The following PIGQ variants were observed in gnomAD, a reference collection of about 807,000 sequenced individuals.
PIGQ encodes phosphatidylinositol glycan anchor biosynthesis class Q, also known as phosphatidylinositol N-acetylglucosaminyltransferase subunit Q.
Under a neutral mutation model 60.3 loss-of-function variants are expected in PIGQ, and 54 were observed. The ratio of observed to expected loss-of-function variants is 0.90; its 90% CI spans 0.72 to 1.12. PIGQ has a LOEUF of 1.12. Ranked by LOEUF, PIGQ falls within the 50% of genes most tolerant of loss-of-function variation. The pLI is 0.00. For synonymous variants in PIGQ, 416 were observed against 363.7 expected (o/e 1.14, Z -1.64); for missense variants, 799 against 793.5 (o/e 1.01, Z -0.08).
In PIGQ at chr16:583,709, C is replaced by T. The variant is rs1245799973; in HGVS notation, c.*674C>T. ...AGCAGCCTCAGTGTCAAGGGCCCGC[C>T]CACTGACCCAGCCGTACCTATTCGT... On this transcript the variant is annotated 3_prime_UTR_variant, in exon 11 of 11. Coordinates refer to ENST00000321878, the MANE Select transcript of PIGQ (RefSeq NM_004204.5). The T allele has an allele frequency of 3.3e-6, 5 of 1,512,474 alleles. No individual in the cohort carries two copies. Among genetic ancestry groups the T allele is most frequent in the Middle Eastern group, 3.4e-4 (2 of 5,890 alleles). 93.7% of individuals were successfully genotyped at this position (1,512,474 alleles called of 1,614,324 possible).
intron 8 of PIGQ, chr16:580,466 C>T (rs2035793420): frequency 3.6e-6 from 2 of 556,640 alleles, no homozygotes; most frequent in Admixed American, 6.1e-5. Context: ...CCTCACTGCC[C>T]TGGAGCACGC....
intron 1 of PIGQ, among the ~76,000 whole-genome samples, chr16:571,819 C>T (rs889504625): frequency 1.3e-5 from 2 of 151,856 alleles, no homozygotes; most frequent in Non-Finnish European, 2.9e-5. Flanking sequence ...CCCCACAGTA[C>T]GTTGAGTTTT....
Position 574,137 on chromosome 16 carries a change from A to T in PIGQ, c.63A>T (p.Gly21=). 1 of 1,611,966 alleles carries T rather than the reference A, an allele frequency of 6.2e-7. No homozygotes were observed. Among genetic ancestry groups the T allele is most frequent in the Non-Finnish European group, 8.5e-7 (1 of 1,179,652 alleles). Reference sequence around the variant, plus strand: ...CGACGGACAGCGGGCTGCTGGTGGGACGGTGGGTGCCGGAGCAGAGCAGCG... The same window carrying T: ...CGACGGACAGCGGGCTGCTGGTGGGTCGGTGGGTGCCGGAGCAGAGCAGCG... ...CVSTDSGLLV[G]RWVPEQSSAV... Residue 21 remains glycine (G), a synonymous_variant, in exon 2 of 11, where the codon GGA becomes GGT. Transcript: ENST00000321878.
rs2035790342 is a variant in PIGQ at position 580,238 on chromosome 16, C to T, written c.1391C>T (p.Ala464Val). The T allele has an allele frequency of 4.3e-6, 7 of 1,612,538 alleles. No individual in the cohort carries two copies. Among genetic ancestry groups the T allele is most frequent in the Non-Finnish European group, 5.9e-6 (7 of 1,179,166 alleles). Residue 464 changes from alanine to valine, a missense_variant, in exon 8 of 11, where the codon GCC becomes GTC. Physicochemically the swap from Ala to Val is moderately conservative, Grantham distance 64. Transcript: ENST00000321878. ...CTGCTCTTCCTCCTGCCTACCACAG[C>T]CCTGTACTACCTGGTGTTCACCCTG... Reference protein sequence around the residue: ...TILLFLLPTTALYYLVFTLLR... With the variant: ...TILLFLLPTTVLYYLVFTLLR...
rs971748633 is a variant in PIGQ at position 583,696 on chromosome 16, G to A, written c.*661G>A. On this transcript the variant is annotated 3_prime_UTR_variant, in exon 11 of 11. Transcript: ENST00000321878. ...CTGTGGGGGCGGGAGCAGCCTCAGT[G>A]TCAAGGGCCCGCCCACTGACCCAGC... 5 of 1,574,290 alleles carry A rather than the reference G, an allele frequency of 3.2e-6. No homozygotes were observed. Among genetic ancestry groups the A allele is most frequent in the East Asian group, 2.2e-5 (1 of 44,680 alleles).
rs371210440 is a variant in PIGQ at position 576,214 on chromosome 16, G to A, written c.902G>A (p.Arg301His). Residue 301 changes from arginine (R) to histidine (H), a missense_variant, in exon 4 of 11, where the codon CGC (arginine) becomes CAC (histidine). By Grantham distance (29) the Arg-to-His change is conservative (BLOSUM62 0). Coordinates refer to ENST00000321878, the MANE Select transcript of PIGQ (RefSeq NM_004204.5). Reference sequence around the variant, plus strand: ...CTGTCCTGGCTCCACGGGAGAAGCCGCATCGGGCATCTGGCCGACGCCCTC... The same window carrying A: ...CTGTCCTGGCTCCACGGGAGAAGCCACATCGGGCATCTGGCCGACGCCCTC... ...MLLSWLHGRS[R>H]IGHLADALVP... The A allele has an allele frequency of 2.1e-4, 329 of 1,550,758 alleles. No individual in the cohort carries two copies. The highest frequency in any genetic ancestry group is 1.6e-3 in the Admixed American group (80 of 51,136).
Position 580,934 on chromosome 16 carries a change from C to A in PIGQ, c.1493C>A (p.Ser498Ter). 6.2e-7 allele frequency: 1 copy of A among 1,610,868 alleles called. No individual in the cohort carries two copies. Among genetic ancestry groups the A allele is most frequent in the South Asian group, 1.1e-5 (1 of 91,056 alleles). The stretch of plus-strand genomic sequence containing the variant: ...CTCATCAACTCCCTGCCGCTGTACT[C>A]ACTGGGTCTTCGGCTCTGCCGGCCC... ...VDLINSLPLYSLGLRLCRPYR... is the reference protein window; with the variant it reads ...VDLINSLPLY Residue 498 changes from serine (S) to a stop codon, truncating the protein, a stop_gained, in exon 9 of 11, where the codon TCA becomes TAA. Coordinates refer to ENST00000321878, the MANE Select transcript of PIGQ (RefSeq NM_004204.5). LOFTEE classifies it high-confidence loss of function.
In PIGQ at chr16:583,107, C is replaced by G. The variant is rs1225140835; in HGVS notation, c.*72C>G. Reference sequence around the variant, plus strand: ...ATCTGCTCTGCCAGGGTGGCACCAGCTCAGCTGGCGCATGTCCTGTGCTTT... The same window carrying G: ...ATCTGCTCTGCCAGGGTGGCACCAGGTCAGCTGGCGCATGTCCTGTGCTTT... On this transcript the variant is annotated 3_prime_UTR_variant, in exon 11 of 11. Coordinates refer to ENST00000321878, the MANE Select transcript of PIGQ (RefSeq NM_004204.5). 3 of 1,613,002 alleles carry G rather than the reference C, an allele frequency of 1.9e-6. No homozygotes were observed. The highest frequency in any genetic ancestry group is 2.2e-5 in the South Asian group (2 of 91,086).
chr16:581,226 C>G, intron 9 of PIGQ: 1 of 1,426,000 alleles, frequency 7.0e-7, no homozygotes, highest in Non-Finnish European at 9.3e-7. Flanking sequence ...CCTGAGGCCA[C>G]AGGCCTTTGT....
At chr16:573,613 A>G (rs72767852) in intron 1 of PIGQ, among the ~76,000 whole-genome samples, 16,889 of 152,270 alleles carry the variant, frequency 0.11, 1,201 homozygotes, top group Non-Finnish European at 0.15. Flanking sequence ...CAAGGTTTCA[A>G]TTGGCGTGAC....
intron 6 of PIGQ, 48 bp from the exon 7 acceptor site, chr16:579,021 C>CGGGGT: frequency 9.2e-6 from 2 of 218,396 alleles, no homozygotes; most frequent in African/African-American, 1.7e-4. Context: ...GGGGCGGGGG[C>CGGGGT]GGGGCGGGGC....
Position 574,328 on chromosome 16 carries a change from G to A in PIGQ, c.254G>A (p.Gly85Asp), listed in dbSNP as rs2035681059. 6 of 1,608,132 alleles carry A rather than the reference G, an allele frequency of 3.7e-6. No individual in the cohort carries two copies. The East Asian group carries it at 1.1e-4, about 30-fold the overall frequency. ...CTGGGCCGCTTCCTGGAGAGCCTGGGTGCTGTCTTCCCCCATGAGCCCTGG... is the reference window on the plus strand; with the variant it reads ...CTGGGCCGCTTCCTGGAGAGCCTGGATGCTGTCTTCCCCCATGAGCCCTGG... The part of the protein sequence containing the change: ...ESLGRFLESL[G>D]AVFPHEPWLR... Residue 85 changes from glycine (G) to aspartate (D), a missense_variant, in exon 2 of 11, where the codon GGT becomes GAT. Physicochemically the swap from Gly to Asp is moderately conservative, Grantham distance 94. Coordinates refer to ENST00000321878, the MANE Select transcript of PIGQ (RefSeq NM_004204.5).
At chr16:575,793 G>A in intron 2 of PIGQ, 46 bp from the exon 3 acceptor site, 2 of 1,537,798 alleles carry the variant, frequency 1.3e-6, no homozygotes, top group Non-Finnish European at 1.8e-6. Flanking sequence ...GACGGTGGGA[G>A]GAGGATCTGG....
intron 2 of PIGQ, among the ~76,000 whole-genome samples, chr16:575,466 G>A (rs2035701617): frequency 1.3e-5 from 2 of 152,186 alleles, no homozygotes; most frequent in Admixed American, 6.5e-5. Flanking sequence ...AGCCTGGGGT[G>A]AGAAGCTAGG....
Position 574,392 on chromosome 16 carries a change from C to T in PIGQ, c.318C>T (p.Ser106=). 9 of 1,610,460 alleles carry T rather than the reference C, an allele frequency of 5.6e-6. No individual in the cohort carries two copies. Among genetic ancestry groups the T allele is most frequent in the Non-Finnish European group, 7.6e-6 (9 of 1,179,242 alleles). Residue 106 remains serine, a synonymous_variant, in exon 2 of 11, where the codon AGC becomes AGT. Transcript: ENST00000321878. The part of the protein sequence containing the change: ...LCRERGGTFW[S]CEATHRQAPT... ...GGGAGAGAGGCGGCACGTTCTGGAG[C>T]TGCGAGGCCACCCACCGGCAAGCGC...
intron 1 of PIGQ, among the ~76,000 whole-genome samples, chr16:573,753 G>A (rs1476779815): frequency 3.3e-5 from 5 of 152,180 alleles, no homozygotes; most frequent in African/African-American, 9.7e-5. Flanking sequence ...TGCCGAGGAG[G>A]CCGTGCCCTG....
intron 1 of PIGQ, among the ~76,000 whole-genome samples, chr16:573,652 C>T (rs1244593564): frequency 6.6e-6 from 1 of 152,210 alleles, no homozygotes; most frequent in Non-Finnish European, 1.5e-5. Context: ...CAGTTCTCCT[C>T]GTGCTACACC....
intron 1 of PIGQ, among the ~76,000 whole-genome samples, chr16:571,123 GCC>G (rs1296697260): frequency 0.014 from 40 of 2,824 alleles, 3 homozygotes; most frequent in African/African-American, 0.023. Context: ...CTAGCCTGGT[GCC>G]CGTGTGTGTG....
At chr16:573,733 C>T (rs1657468081) in intron 1 of PIGQ, among the ~76,000 whole-genome samples, 1 of 152,108 alleles carries the variant, frequency 6.6e-6, no homozygotes, top group Non-Finnish European at 1.5e-5. Flanking sequence ...CCCACAGCCG[C>T]GTCAGGTGGT....
Sources: allele counts gnomAD v4.1 joint callset (sites outside exome capture counted in the v4.1 genomes callset), GRCh38; gene constraint gnomAD v4.1.1; transcripts MANE v1.5; gene names NCBI Gene and HGNC (gene_info 2026-07-23, HGNC 2026-07-21).